CAVIN4: variants seen among roughly 807,000 people sequenced by gnomAD.
CAVIN4 encodes caveolae-associated protein 4.
Under a neutral mutation model 18.6 loss-of-function variants are expected in CAVIN4, and 10 were observed. The observed-to-expected ratio is 0.54, with a 90% confidence interval of 0.33 to 0.91. CAVIN4 has a LOEUF of 0.91. Among genes scored for constraint, CAVIN4 ranks in the 40% least tolerant of loss-of-function variants. The pLI, the probability that CAVIN4 is intolerant of heterozygous loss-of-function variation, is 0.02. For missense variants in CAVIN4, 459 were observed against 440.5 expected (o/e 1.04, Z -0.38); for synonymous variants, 173 against 164.8 (o/e 1.05, Z -0.38).
Position 100,587,822 on chromosome 9 carries a change from G to A in CAVIN4, c.*1371G>A, listed in dbSNP as rs574170559. On this transcript the variant is annotated 3_prime_UTR_variant, in exon 2 of 2. Transcript: ENST00000307584. ...GGAGAATTGCCTGAACCCAGGAGGC[G>A]GAGGTTGCAGTGAGCCGAGATTGTG... 4.6e-5 allele frequency: 7 copies of A among 152,244 alleles called. No individual in the cohort carries two copies. The South Asian group carries it at 1.0e-3, about 23-fold the overall frequency. 9.4% of individuals were successfully genotyped at this position (152,244 alleles called of 1,614,324 possible).
intron 1 of CAVIN4, among the ~76,000 whole-genome samples, chr9:100,585,152 G>A (rs753080004): frequency 3.3e-5 from 5 of 152,172 alleles, no homozygotes; most frequent in East Asian, 1.9e-4. Context: ...GAGGCATTGC[G>A]CAAGTTCAGG....
Position 100,585,907 on chromosome 9 carries a change from C to G in CAVIN4, c.551C>G (p.Ser184Cys), listed in dbSNP as rs1252406209. Reference protein sequence around the residue: ...DEEYYVEESRSARLRKSGKEH... With the variant: ...DEEYYVEESRCARLRKSGKEH... ...GAATATTATGTTGAAGAAAGCAGAT[C>G]TGCCAGGCTTAGGAAGTCAGGCAAG... is the stretch of plus-strand genomic sequence containing the variant. Residue 184 changes from serine (S) to cysteine (C), a missense_variant, in exon 2 of 2, where the codon TCT (serine) becomes TGT (cysteine). Transcript: ENST00000307584. 1 of 1,614,132 alleles carries G rather than the reference C, an allele frequency of 6.2e-7. No homozygotes were observed. Among genetic ancestry groups the G allele is most frequent in the South Asian group, 1.1e-5 (1 of 91,080 alleles).
Position 100,587,325 on chromosome 9 carries a change from A to C in CAVIN4, c.*874A>C, listed in dbSNP as rs1839490835. Reference sequence around the variant, plus strand: ...GACCCTTTCTAATTTCCTTTTGATTAAGATCTTTGGTGGACTATAGCACTA... The same window carrying C: ...GACCCTTTCTAATTTCCTTTTGATTCAGATCTTTGGTGGACTATAGCACTA... On this transcript the variant is annotated 3_prime_UTR_variant, in exon 2 of 2. Transcript: ENST00000307584. 1 of 152,214 alleles carries C rather than the reference A, an allele frequency of 6.6e-6. No homozygotes were observed. The highest frequency in any genetic ancestry group is 1.5e-5 in the Non-Finnish European group (1 of 68,036). 9.4% of individuals were successfully genotyped at this position (152,214 alleles called of 1,614,324 possible).
upstream of CAVIN4, chr9:100,576,880 T>C (rs988814498): frequency 1.1e-5 from 3 of 264,182 alleles, no homozygotes; most frequent in African/African-American, 6.7e-5. Flanking sequence ...AAAGATGGAC[T>C]ACTTCACAAA....
intron 1 of CAVIN4, among the ~76,000 whole-genome samples, chr9:100,580,247 T>C (rs1839414234): frequency 1.3e-5 from 2 of 152,064 alleles, no homozygotes; most frequent in African/African-American, 4.8e-5. Flanking sequence ...TGAGCCATGA[T>C]TGTGCCACTG....
chr9:100,586,196 A>T lies in CAVIN4; in HGVS notation c.840A>T (p.Arg280=). ...KMRSLRKGKD[R]TVAEGEECAR... ...GCAGCCTCAGGAAAGGTAAGGACCG[A>T]ACAGTGGCTGAAGGTGAGGAATGTG... is the stretch of plus-strand genomic sequence containing the variant. The change falls in exon 2 of 2, where the codon CGA becomes CGT. Residue 280 remains arginine, a synonymous_variant. Transcript: ENST00000307584. 1 of 1,559,400 alleles carries T rather than the reference A, an allele frequency of 6.4e-7. No individual in the cohort carries two copies. Among genetic ancestry groups the T allele is most frequent in the Non-Finnish European group, 8.7e-7 (1 of 1,155,780 alleles).
At position 100,580,839 on chromosome 9, in the gene CAVIN4, A is replaced by G. The variant is rs560493319; in HGVS notation, c.408+2288A>G. 3.9e-5 allele frequency among the ~76,000 whole-genome samples: 6 copies of G among 152,348 alleles called. No individual in the cohort carries two copies. In the South Asian group the frequency reaches 1.2e-3, roughly 32 times the overall value. ...TTATAATGGAACAGCTCGTAGAGAAAAGAATAATGGACATAGAACTCTGAT... is the reference window on the plus strand; with the variant it reads ...TTATAATGGAACAGCTCGTAGAGAAGAGAATAATGGACATAGAACTCTGAT... On this transcript the variant is annotated intron_variant, in intron 1 of 1. Transcript: ENST00000307584.
rs766006712 is a variant in CAVIN4 at position 100,586,146 on chromosome 9, C to A, written c.790C>A (p.Pro264Thr). Residue 264 changes from proline (P) to threonine (T), a missense_variant, in exon 2 of 2, where the codon CCC becomes ACC. Transcript: ENST00000307584. ...RFKKSISNAA[P>T]SKEAFKMRSL... ...TAAGAAATCTATTTCTAATGCAGCT[C>A]CCTCAAAGGAAGCTTTTAAGATGCG... 2 of 1,574,220 alleles carry A rather than the reference C, an allele frequency of 1.3e-6. No individual in the cohort carries two copies. The highest frequency in any genetic ancestry group is 1.7e-6 in the Non-Finnish European group (2 of 1,162,738).
Position 100,586,615 on chromosome 9 carries a change from C to T in CAVIN4, c.*164C>T, listed in dbSNP as rs1839483717. On this transcript the variant is annotated 3_prime_UTR_variant, in exon 2 of 2. Coordinates refer to ENST00000307584, the MANE Select transcript of CAVIN4 (RefSeq NM_001018116.2). The stretch of plus-strand genomic sequence containing the variant: ...TATAAATATTATTATCACTCTTTCT[C>T]ATGGCAGCTGTGGATTTTTTAGTTC... 3 of 501,898 alleles carry T rather than the reference C, an allele frequency of 6.0e-6. No homozygotes were observed. Among genetic ancestry groups the T allele is most frequent in the Non-Finnish European group, 1.0e-5 (3 of 300,508 alleles). 31.1% of individuals were successfully genotyped at this position (501,898 alleles called of 1,614,324 possible).
At position 100,578,526 on chromosome 9, in the gene CAVIN4, A is replaced by G. The variant is rs767295630; in HGVS notation, c.383A>G (p.Asn128Ser). Residue 128 changes from asparagine (N) to serine (S), a missense_variant, in exon 1 of 2, where the codon AAC (asparagine) becomes AGC (serine). Physicochemically the swap from Asn to Ser is conservative, Grantham distance 46 (BLOSUM62 1). Coordinates refer to ENST00000307584, the MANE Select transcript of CAVIN4 (RefSeq NM_001018116.2). ...AAGCAAGAGGAAATAATGAAGAAAA[A>G]CAAATTCCGCGTGGTAATATTCCAG... Reference protein sequence around the residue: ...EVKQEEIMKKNKFRVVIFQEK... With the variant: ...EVKQEEIMKKSKFRVVIFQEK... 2.5e-6 allele frequency: 4 copies of G among 1,613,450 alleles called. No homozygotes were observed. Among genetic ancestry groups the G allele is most frequent in the Admixed American group, 1.7e-5 (1 of 60,008 alleles).
chr9:100,580,755 T>G (rs1028614257), intron 1 of CAVIN4, among the ~76,000 whole-genome samples: 7 of 152,358 alleles, frequency 4.6e-5, no homozygotes, highest in African/African-American at 1.4e-4. Flanking sequence ...GCCATGAAGA[T>G]TCTGCATAAT....
In CAVIN4 at chr9:100,578,155, T is replaced by C. The variant is rs1174113691; in HGVS notation, c.12T>C (p.Asn4=). 6.2e-7 allele frequency: 1 copy of C among 1,613,930 alleles called. No homozygotes were observed. Among genetic ancestry groups the C allele is most frequent in the Non-Finnish European group, 8.5e-7 (1 of 1,179,882 alleles). Residue 4 remains asparagine (N), a synonymous_variant, in exon 1 of 2, where the codon AAT becomes AAC. Coordinates refer to ENST00000307584, the MANE Select transcript of CAVIN4 (RefSeq NM_001018116.2). ...GAGAAATAAATAAAATGGAACATAA[T>C]GGGTCTGCTTCAAATGCTGATAAAA... is the stretch of plus-strand genomic sequence containing the variant. MEH[N]GSASNADKIH...
In CAVIN4 at chr9:100,586,622, G is replaced by T; in HGVS notation, c.*171G>T. The T allele has an allele frequency of 2.1e-6, 1 of 484,678 alleles. No individual in the cohort carries two copies. Among genetic ancestry groups the T allele is most frequent in the Admixed American group, 3.9e-5 (1 of 25,758 alleles). 30.0% of individuals were successfully genotyped at this position (484,678 alleles called of 1,614,324 possible). A position where few individuals can be genotyped will look rare whatever the true frequency, so the allele number is the denominator to read the frequency against. On this transcript the variant is annotated 3_prime_UTR_variant, in exon 2 of 2. Coordinates refer to ENST00000307584, the MANE Select transcript of CAVIN4 (RefSeq NM_001018116.2). ...ATTATTATCACTCTTTCTCATGGCA[G>T]CTGTGGATTTTTTAGTTCCTTTCTC...
Position 100,578,323 on chromosome 9 carries a change from A to C in CAVIN4, c.180A>C (p.Glu60Asp), listed in dbSNP as rs1320378518. 6.2e-7 allele frequency: 1 copy of C among 1,614,102 alleles called. No individual in the cohort carries two copies. The highest frequency in any genetic ancestry group is 8.5e-7 in the Non-Finnish European group (1 of 1,179,986). Residue 60 changes from glutamate (E) to aspartate (D), a missense_variant, in exon 1 of 2, where the codon GAA (glutamate) becomes GAC (aspartate). Physicochemically the swap from Glu to Asp is conservative, Grantham distance 45. Transcript: ENST00000307584. ...AGAGAATAGAAGAGAGACACAGGGAAATGGAAAATGCCATAAAATCCGTCC... is the reference window on the plus strand; with the variant it reads ...AGAGAATAGAAGAGAGACACAGGGACATGGAAAATGCCATAAAATCCGTCC... ...SQKRIEERHR[E>D]MENAIKSVQI... is the part of the protein sequence containing the mutation.
At chr9:100,583,392 A>G (rs1184142802) in intron 1 of CAVIN4, among the ~76,000 whole-genome samples, 1 of 152,132 alleles carries the variant, frequency 6.6e-6, no homozygotes, top group Non-Finnish European at 1.5e-5. Context: ...GGCACTCCAC[A>G]TCCAAATCTA....
Position 100,580,133 on chromosome 9 carries a change from A to G in CAVIN4, c.408+1582A>G, listed in dbSNP as rs115031126. ...GGCAATGTGGCAAAACCCTGTCTCTACAAAAATAGAAAAGTTAACCAGGTG... is the reference window on the plus strand; with the variant it reads ...GGCAATGTGGCAAAACCCTGTCTCTGCAAAAATAGAAAAGTTAACCAGGTG... On this transcript the variant is annotated intron_variant, in intron 1 of 1. Transcript: ENST00000307584. Among the ~76,000 whole-genome samples, 789 of 150,450 alleles carry G rather than the reference A, an allele frequency of 5.2e-3. 6 individuals carry two copies. The highest frequency in any genetic ancestry group is 0.018 in the African/African-American group (742 of 41,008).
chr9:100,586,686 T>C lies in CAVIN4; in HGVS notation c.*235T>C. Reference sequence around the variant, plus strand: ...AAATAGTTTCCTAGGTTGGGCCAGTTACGTGTTTGGTAAGGGCAACTTTGC... The same window carrying C: ...AAATAGTTTCCTAGGTTGGGCCAGTCACGTGTTTGGTAAGGGCAACTTTGC... On this transcript the variant is annotated 3_prime_UTR_variant, in exon 2 of 2. Coordinates refer to ENST00000307584, the MANE Select transcript of CAVIN4 (RefSeq NM_001018116.2). 1 of 349,586 alleles carries C rather than the reference T, an allele frequency of 2.9e-6. No homozygotes were observed. The highest frequency in any genetic ancestry group is 4.5e-5 in the South Asian group (1 of 22,460). 21.7% of individuals were successfully genotyped at this position (349,586 alleles called of 1,614,324 possible).
At chr9:100,585,716 C>A in intron 1 of CAVIN4, 49 bp from the exon 2 acceptor site, 2 of 1,432,042 alleles carry the variant, frequency 1.4e-6, no homozygotes, top group South Asian at 1.2e-5. Context: ...AAGAGCTGCT[C>A]TATAGTGCAA....
Position 100,586,570 on chromosome 9 carries a change from A to G in CAVIN4, c.*119A>G, listed in dbSNP as rs1406204933. ...AACATAAATGTATTTTTTTTCTTAT[A>G]TTTAAAATCTTGAAGATAATATAAA... On this transcript the variant is annotated 3_prime_UTR_variant, in exon 2 of 2. Coordinates refer to ENST00000307584, the MANE Select transcript of CAVIN4 (RefSeq NM_001018116.2). 1.5e-6 allele frequency: 1 copy of G among 669,298 alleles called. No homozygotes were observed. Among genetic ancestry groups the G allele is most frequent in the Non-Finnish European group, 2.4e-6 (1 of 423,028 alleles). The allele number at this position is 669,298 out of a possible 1,614,324, so 41.5% of individuals were successfully genotyped here. A position where few individuals can be genotyped will look rare whatever the true frequency, so the allele number is the denominator to read the frequency against.
Sources: allele counts gnomAD v4.1 joint callset (sites outside exome capture counted in the v4.1 genomes callset), GRCh38; gene constraint gnomAD v4.1.1; transcripts MANE v1.5; gene names NCBI Gene and HGNC (gene_info 2026-07-23, HGNC 2026-07-21).